Variants in THSD1 observed in about 807,000 individuals in gnomAD.
The protein encoded by THSD1 is thrombospondin type-1 domain-containing protein 1.
In THSD1, 34 loss-of-function variants were observed where a neutral mutation model predicts 46.3. The ratio of observed to expected loss-of-function variants is 0.74; its 90% confidence interval spans 0.56 to 0.98. The LOEUF (loss-of-function observed/expected upper bound fraction) is 0.98, where lower values mean the gene tolerates loss of function less well. THSD1 is among the 50% of genes least tolerant of loss of function. THSD1 has a pLI of 0.00. For missense variants in THSD1, 1,023 were observed against 1,058.3 expected (o/e 0.97, Z 0.46); for synonymous variants, 407 against 416.5 (o/e 0.98, Z 0.28).
chr13:52,404,444 G>A (rs947097902), intron 1 of THSD1, among the ~76,000 whole-genome samples: 1 of 152,078 alleles, frequency 6.6e-6, no homozygotes, highest in African/African-American at 2.4e-5. Context: ...TTCCTGAAAG[G>A]GAAACAGAGA....
At position 52,397,635 on chromosome 13, in the gene THSD1, A is replaced by G; in HGVS notation, c.618T>C (p.Cys206=). 1 of 1,614,194 alleles carries G rather than the reference A, an allele frequency of 6.2e-7. No homozygotes were observed. The highest frequency in any genetic ancestry group is 1.1e-5 in the South Asian group (1 of 91,082). Residue 206 remains cysteine, a synonymous_variant, in exon 3 of 5, where the codon TGT becomes TGC. Coordinates refer to ENST00000258613, the MANE Select transcript of THSD1 (RefSeq NM_018676.4). The part of the protein sequence containing the change: ...LAQGQWVEFG[C]APLGPEAYVT... Reference sequence around the variant, plus strand: ...CATAGGCTTCTGGCCCCAAGGGTGCACAGCCAAACTCAACCCACTGACCTT... The same window carrying G: ...CATAGGCTTCTGGCCCCAAGGGTGCGCAGCCAAACTCAACCCACTGACCTT...
At chr13:52,388,613 G>C (rs1246724917) in intron 3 of THSD1, among the ~76,000 whole-genome samples, 1 of 152,114 alleles carries the variant, frequency 6.6e-6, no homozygotes, top group Non-Finnish European at 1.5e-5. Context: ...CCGAGTAGCT[G>C]GAATTACAGG....
Position 52,377,674 on chromosome 13 carries a change from T to G in THSD1, c.2296A>C (p.Ser766Arg). The change falls in exon 5 of 5, where the codon AGT becomes CGT. Residue 766 changes from serine (S) to arginine (R), a missense_variant. Ser to Arg is a moderately radical substitution (Grantham distance 110). Coordinates refer to ENST00000258613, the MANE Select transcript of THSD1 (RefSeq NM_018676.4). Reference protein sequence around the residue: ...PHRARRGPSPSHKSVSRKQSS... With the variant: ...PHRARRGPSPRHKSVSRKQSS... Reference sequence around the variant, plus strand: ...TGCTTCCTTGAGACACTCTTGTGACTGGGGGACGGTCCCCGACGAGCTCTG... The same window carrying G: ...TGCTTCCTTGAGACACTCTTGTGACGGGGGGACGGTCCCCGACGAGCTCTG... 6.2e-7 allele frequency: 1 copy of G among 1,610,088 alleles called. No homozygotes were observed. The highest frequency in any genetic ancestry group is 8.5e-7 in the Non-Finnish European group (1 of 1,176,910).
At chr13:52,383,399 G>C (rs1821119775) in intron 4 of THSD1, among the ~76,000 whole-genome samples, 1 of 152,178 alleles carries the variant, frequency 6.6e-6, no homozygotes, top group African/African-American at 2.4e-5. Flanking sequence ...TTCAGACCTT[G>C]GCATAAGAAC....
Position 52,378,126 on chromosome 13 carries a change from C to A in THSD1, c.1844G>T (p.Ser615Ile), listed in dbSNP as rs1957653219. ...AGTCTGGCTGGGGCTTATGGCACAA[C>A]TGGCCTGAGTCACATTTAGATCCAG... ...SRLDLNVTQA[S>I]CAISPSQTLI... The change falls in exon 5 of 5, where the codon AGT becomes ATT. Residue 615 changes from serine (S) to isoleucine (I), a missense_variant. Around this residue, in one of 3 missense-constraint regions of THSD1, gnomAD observed 578 missense variants for 497.4 expected, o/e 1.16. Coordinates refer to ENST00000258613, the MANE Select transcript of THSD1 (RefSeq NM_018676.4). 1.2e-6 allele frequency: 2 copies of A among 1,614,102 alleles called. No homozygotes were observed. Among genetic ancestry groups the A allele is most frequent in the South Asian group, 2.2e-5 (2 of 91,094 alleles).
chr13:52,382,171 A>G (rs1957698283), intron 4 of THSD1, among the ~76,000 whole-genome samples: 1 of 152,128 alleles, frequency 6.6e-6, no homozygotes, highest in South Asian at 2.1e-4. Flanking sequence ...CCATCTCAAA[A>G]TGCCCAAGAC....
intron 3 of THSD1, among the ~76,000 whole-genome samples, chr13:52,396,002 C>T (rs1432420167): frequency 5.9e-5 from 9 of 151,886 alleles, no homozygotes; most frequent in African/African-American, 1.9e-4. Flanking sequence ...ATCAAAAGGA[C>T]GAAGCTAAGG....
chr13:52,381,478 T>C (rs1957691585), intron 4 of THSD1, among the ~76,000 whole-genome samples: 2 of 152,146 alleles, frequency 1.3e-5, no homozygotes, highest in South Asian at 2.1e-4. Context: ...CCAATCCACT[T>C]CCTTAGCACT....
At chr13:52,401,313 T>G (rs558452550) in intron 2 of THSD1, among the ~76,000 whole-genome samples, 7 of 151,334 alleles carry the variant, frequency 4.6e-5, no homozygotes, top group African/African-American at 1.5e-4. Flanking sequence ...TACTTTTTTT[T>G]TTTTGAGACA....
chr13:52,387,102 C>G (rs1403723447), intron 3 of THSD1, among the ~76,000 whole-genome samples: 1 of 152,184 alleles, frequency 6.6e-6, no homozygotes, highest in Non-Finnish European at 1.5e-5. Flanking sequence ...CAGTCTACTT[C>G]TGGGGAAGAG....
chr13:52,384,542 G>T, intron 4 of THSD1: 1 of 346,374 alleles, frequency 2.9e-6, no homozygotes, highest in South Asian at 2.3e-5. Context: ...CTACCTTGTG[G>T]AATTACGGTG....
chr13:52,397,115 A>T (rs938416343), intron 3 of THSD1, 117 bp downstream of exon 3: 12 of 909,646 alleles, frequency 1.3e-5, no homozygotes, highest in Admixed American at 2.9e-5. Flanking sequence ...TTGGTACATT[A>T]TAAGGCATGA....
In THSD1 at chr13:52,399,543, A is replaced by G. The variant is rs183043247; in HGVS notation, c.59-1349T>C. 2.4e-3 allele frequency among the ~76,000 whole-genome samples: 360 copies of G among 152,308 alleles called. 1 individual carries two copies. Among genetic ancestry groups the G allele is most frequent in the Non-Finnish European group, 3.9e-3 (262 of 68,032 alleles). ...CCTTATATATATGCAATCAATGATT[A>G]TTAGAATCAGCACATGAATACCTTG... On this transcript the variant is annotated intron_variant, in intron 2 of 4. Coordinates refer to ENST00000258613, the MANE Select transcript of THSD1 (RefSeq NM_018676.4).
chr13:52,397,760 T>C lies in THSD1; in HGVS notation c.493A>G (p.Ile165Val), dbSNP rs373210760. The C allele has an allele frequency of 7.4e-6, 12 of 1,614,150 alleles. No homozygotes were observed. In the Admixed American group the frequency reaches 1.2e-4, roughly 16 times the overall value. ...LCPFPVDKPN[I>V]VVDVIFTNSL... ...TTGGTGAAGATGACATCCACTACGA[T>C]GTTGGGCTTGTCCACAGGAAACGGG... The change falls in exon 3 of 5, where the codon ATC becomes GTC. Residue 165 changes from isoleucine (I) to valine (V), a missense_variant. Physicochemically the swap from Ile to Val is conservative, Grantham distance 29. Transcript: ENST00000258613.
chr13:52,390,415 T>C (rs1455772621), intron 3 of THSD1, among the ~76,000 whole-genome samples: 1 of 152,136 alleles, frequency 6.6e-6, no homozygotes, highest in Non-Finnish European at 1.5e-5. Context: ...ATTAAAAGGA[T>C]TTTCACAAGA....
intron 3 of THSD1, among the ~76,000 whole-genome samples, chr13:52,391,118 G>C (rs1000393417): frequency 2.6e-5 from 4 of 152,164 alleles, no homozygotes; most frequent in African/African-American, 7.2e-5. Context: ...ATAAAGAATG[G>C]AGAGAGTGTT....
chr13:52,380,018 C>T (rs772801369), intron 4 of THSD1, among the ~76,000 whole-genome samples: 3 of 152,126 alleles, frequency 2.0e-5, no homozygotes, highest in Admixed American at 1.3e-4. Context: ...CTTTCCTAAG[C>T]GTTAAAGCCT....
At chr13:52,402,776 T>C (rs1046935533) in intron 1 of THSD1, 95 bp from the exon 2 acceptor site, 1 of 1,397,764 alleles carries the variant, frequency 7.2e-7, no homozygotes, top group African/African-American at 1.5e-5. Context: ...ACTCAAACTT[T>C]CTAAGTGATA....
chr13:52,384,557 T>C (rs906043106), intron 4 of THSD1, among the ~76,000 whole-genome samples: 8 of 152,244 alleles, frequency 5.3e-5, no homozygotes, highest in Non-Finnish European at 8.8e-5. Context: ...ACGGTGAGCC[T>C]TAAGTGAGAT....
Sources: gnomAD v4.1 joint callset for allele counts (sites outside exome capture counted in the v4.1 genomes callset) on GRCh38, gnomAD v4.1.1 for gene constraint, gnomAD v4.1.1 regional missense constraint, MANE v1.5 for transcripts, NCBI Gene and HGNC (gene_info 2026-07-23, HGNC 2026-07-21) for gene names.